The following PLA2R1 variants were observed in gnomAD, a reference collection of about 807,000 sequenced individuals.
PLA2R1 encodes the protein secretory phospholipase A2 receptor.
Under a neutral mutation model 195.9 loss-of-function variants are expected in PLA2R1, and 158 were observed. That is an observed-to-expected ratio of 0.81 (90% CI 0.71 to 0.92). PLA2R1 has a LOEUF of 0.92. Among genes scored for constraint, PLA2R1 ranks in the 40% least tolerant of loss-of-function variants. The pLI, the probability that PLA2R1 is intolerant of heterozygous loss-of-function variation, is 0.00. For missense variants in PLA2R1, 1,626 were observed against 1,764.6 expected (o/e 0.92, Z 1.41); for synonymous variants, 586 against 598.2 (o/e 0.98, Z 0.30).
chr2:159,968,453 C>T (rs1490556588), intron 19 of PLA2R1, among the ~76,000 whole-genome samples: 1 of 152,246 alleles, frequency 6.6e-6, no homozygotes, highest in East Asian at 1.9e-4. Flanking sequence ...TGCTATTCTC[C>T]CAGACGCTCA....
intron 6 of PLA2R1, among the ~76,000 whole-genome samples, chr2:160,024,183 T>G (rs1215630055): frequency 6.6e-6 from 1 of 152,110 alleles, no homozygotes; most frequent in Non-Finnish European, 1.5e-5. Context: ...GAACCACTGC[T>G]AGAATGTCAT....
intron 9 of PLA2R1, among the ~76,000 whole-genome samples, chr2:160,014,742 C>T (rs1383732575): frequency 1.3e-5 from 2 of 152,156 alleles, no homozygotes; most frequent in African/African-American, 2.4e-5. Flanking sequence ...GTAGGAAGCA[C>T]AGGAGCTCCC....
chr2:159,952,533 A>G (rs1687808981), intron 23 of PLA2R1, among the ~76,000 whole-genome samples: 1 of 152,204 alleles, frequency 6.6e-6, no homozygotes, highest in Admixed American at 6.5e-5. Flanking sequence ...TGGTTTTACT[A>G]CATTTGGTGT....
downstream of PLA2R1, among the ~76,000 whole-genome samples, chr2:159,930,609 A>G (rs773409193): frequency 3.9e-5 from 6 of 152,172 alleles, no homozygotes; most frequent in Non-Finnish European, 5.9e-5. Context: ...TCTCAGTGCC[A>G]GACACGCCTA....
chr2:160,042,528 G>A lies in PLA2R1; in HGVS notation c.494-330C>T, dbSNP rs1025237831. Among the ~76,000 whole-genome samples the A allele has an allele frequency of 7.2e-5, 11 of 152,048 alleles. 1 individual carries two copies. Among genetic ancestry groups the A allele is most frequent in the South Asian group, 4.1e-4 (2 of 4,830 alleles). ...TTTAACTTCATAATACCTTCCAGTC[G>A]CCAAACACATCAGCCATTAGCATCT... is the stretch of plus-strand genomic sequence containing the variant. On this transcript the variant is annotated intron_variant, in intron 2 of 29. Transcript: ENST00000283243.
Position 160,062,364 on chromosome 2 carries a change from C to CCAGAAG in PLA2R1, c.39_40insCTTCTG (p.Leu12_Leu13dup), listed in dbSNP as rs1559043045. On this transcript the variant is annotated inframe_insertion, in exon 1 of 30. Coordinates refer to ENST00000283243, the MANE Select transcript of PLA2R1 (RefSeq NM_007366.5). ...CCCTCGGCGCAGCCCCGCGGCGCCC[C>CCAGAAG]CAGCAGCAGCAGCAGCAGCAGCGAC... The CCAGAAG allele has an allele frequency of 3.9e-6, 6 of 1,535,658 alleles. No homozygotes were observed. The highest frequency in any genetic ancestry group is 4.4e-6 in the Non-Finnish European group (5 of 1,140,308).
rs757484228 is a variant in PLA2R1 at position 159,934,363 on chromosome 2, G to C, written c.*7415C>G. On this transcript the variant is annotated 3_prime_UTR_variant, in exon 30 of 30. Transcript: ENST00000283243. ...AAGTGAGCATGGCCTGCAGCAAGAC[G>C]TGTCTGGCTCCTAATCCTACAGCGG... The C allele has an allele frequency of 1.3e-5, 2 of 152,254 alleles. No individual in the cohort carries two copies. The highest frequency in any genetic ancestry group is 2.9e-5 in the Non-Finnish European group (2 of 68,070). 9.4% of individuals were successfully genotyped at this position (152,254 alleles called of 1,614,324 possible). A position where few individuals can be genotyped will look rare whatever the true frequency, so the allele number is the denominator to read the frequency against.
chr2:159,963,723 T>C (rs1688599223), intron 20 of PLA2R1, among the ~76,000 whole-genome samples: 1 of 152,134 alleles, frequency 6.6e-6, no homozygotes, highest in Admixed American at 6.6e-5. Context: ...GGCTATATAA[T>C]AGCCAGAGTT....
chr2:160,016,655 CT>C lies in PLA2R1; in HGVS notation c.1509del (p.Ala504GlnfsTer47). 1.2e-6 allele frequency: 2 copies of C among 1,610,638 alleles called. No individual in the cohort carries two copies. The highest frequency in any genetic ancestry group is 1.7e-6 in the Non-Finnish European group (2 of 1,176,880). ...CEERLFYICK[K>X]AGHVLSDAES... is the part of the protein sequence containing the mutation. ...TCAGCATCAGAGAGGACATGGCCTG[CT>C]TTTTTACAAATGTAAAAAAGTCTTT... On this transcript the variant is annotated frameshift_variant, in exon 9 of 30. Coordinates refer to ENST00000283243, the MANE Select transcript of PLA2R1 (RefSeq NM_007366.5). LOFTEE classifies it high-confidence loss of function.
chr2:159,934,245 G>C lies in PLA2R1; in HGVS notation c.*7533C>G, dbSNP rs1424751597. The C allele has an allele frequency of 6.6e-6, 1 of 152,200 alleles. No individual in the cohort carries two copies. Among genetic ancestry groups the C allele is most frequent in the Non-Finnish European group, 1.5e-5 (1 of 68,038 alleles). 9.4% of individuals were successfully genotyped at this position (152,200 alleles called of 1,614,324 possible). A position where few individuals can be genotyped will look rare whatever the true frequency, so the allele number is the denominator to read the frequency against. On this transcript the variant is annotated 3_prime_UTR_variant, in exon 30 of 30. Transcript: ENST00000283243. ...TACCCTATTAATACTAAGGCACGAGGTTGTAGGGGATAGCAGGACTATGAG... is the reference window on the plus strand; with the variant it reads ...TACCCTATTAATACTAAGGCACGAGCTTGTAGGGGATAGCAGGACTATGAG...
chr2:160,021,832 C>T (rs796439171), intron 7 of PLA2R1, among the ~76,000 whole-genome samples: 83 of 152,242 alleles, frequency 5.5e-4, no homozygotes, highest in African/African-American at 1.9e-3. Context: ...AGCAAAACCT[C>T]TTAAAGGCAT....
At chr2:159,945,453 G>GT (rs996258632) in intron 27 of PLA2R1, among the ~76,000 whole-genome samples, 2 of 151,948 alleles carry the variant, frequency 1.3e-5, no homozygotes, top group Non-Finnish European at 2.9e-5. Flanking sequence ...GCAGTGTTTG[G>GT]TTTTTTGTTC....
At chr2:159,969,202 T>C (rs1688981216) in intron 19 of PLA2R1, 54 bp downstream of exon 19, 1 of 838,060 alleles carries the variant, frequency 1.2e-6, no homozygotes, top group African/African-American at 1.7e-5. Flanking sequence ...ACTTTAAGCC[T>C]CCTGAAAATT....
intron 11 of PLA2R1, among the ~76,000 whole-genome samples, chr2:160,004,753 T>TG (rs1370712939): frequency 1.3e-5 from 2 of 150,968 alleles, no homozygotes; most frequent in Non-Finnish European, 2.9e-5. Context: ...TACAAGGGCC[T>TG]GAAGCTTGTT....
intron 6 of PLA2R1, among the ~76,000 whole-genome samples, chr2:160,024,648 C>T (rs1206655798): frequency 6.6e-6 from 1 of 152,202 alleles, no homozygotes; most frequent in East Asian, 1.9e-4. Context: ...GAATGGGTGC[C>T]TTGGCTGAGC....
chr2:160,049,998 A>G (rs540699095), intron 1 of PLA2R1, among the ~76,000 whole-genome samples: 8 of 152,178 alleles, frequency 5.3e-5, no homozygotes, highest in Non-Finnish European at 1.2e-4. Flanking sequence ...TAAAGAGCTA[A>G]TGCATGTGGG....
At chr2:160,034,083 C>T (rs1304862774) in intron 3 of PLA2R1, among the ~76,000 whole-genome samples, 1 of 152,298 alleles carries the variant, frequency 6.6e-6, no homozygotes, top group East Asian at 1.9e-4. Flanking sequence ...TGAACATTAG[C>T]ATATTCAAGG....
chr2:159,945,362 C>G (rs906627874), intron 27 of PLA2R1, among the ~76,000 whole-genome samples: 6 of 150,888 alleles, frequency 4.0e-5, no homozygotes, highest in Non-Finnish European at 8.9e-5. Flanking sequence ...CCCCACCCCA[C>G]AACAGTCCCC....
the PLA2R1 span, among the ~76,000 whole-genome samples, chr2:159,924,978 T>C: frequency 6.6e-6 from 1 of 152,190 alleles, no homozygotes; most frequent in Non-Finnish European, 1.5e-5. Flanking sequence ...TTTATGGCAA[T>C]AAGGACTTGG....
Sources: gnomAD v4.1 joint callset for allele counts (sites outside exome capture counted in the v4.1 genomes callset) on GRCh38, gnomAD v4.1.1 for gene constraint, MANE v1.5 for transcripts, NCBI Gene and HGNC (gene_info 2026-07-23, HGNC 2026-07-21) for gene names.